Variants in NADK observed in about 807,000 individuals in gnomAD.
The protein encoded by NADK is poly(P)/ATP NAD kinase.
NADK carries 22 observed loss-of-function variants against 49.8 expected under a neutral mutation model. That is an observed-to-expected ratio of 0.44 (90% CI 0.32 to 0.63). The LOEUF (loss-of-function observed/expected upper bound fraction) is 0.63, where lower values mean the gene tolerates loss of function less well. NADK is among the 30% of genes least tolerant of loss of function. The pLI is 0.06. For missense variants in NADK, 438 were observed against 609.4 expected (o/e 0.72, Z 2.96); for synonymous variants, 268 against 253.7 (o/e 1.06, Z -0.54).
intron 2 of NADK, among the ~76,000 whole-genome samples, chr1:1,764,608 CA>C (rs1343778055): frequency 1.3e-5 from 2 of 152,182 alleles, no homozygotes; most frequent in African/African-American, 4.8e-5. Flanking sequence ...TTCTGTAGAG[CA>C]AATGTTTCCA....
At chr1:1,756,885 GA>G in intron 4 of NADK, 1 of 804,850 alleles carries the variant, frequency 1.2e-6, no homozygotes. Flanking sequence ...CTGCTCTTCT[GA>G]AGAGAAGACA....
intron 1 of NADK, among the ~76,000 whole-genome samples, chr1:1,768,627 T>C (rs1170897197): frequency 6.6e-6 from 1 of 152,152 alleles, no homozygotes; most frequent in Admixed American, 6.6e-5. Context: ...AGTAAAGCCA[T>C]GTGGGGACAC....
Position 1,752,908 on chromosome 1 carries a change from C to A in NADK, c.1337G>T (p.Gly446Val). The A allele has an allele frequency of 5.9e-6, 9 of 1,525,956 alleles. No individual in the cohort carries two copies. The South Asian group carries it at 1.0e-4, about 18-fold the overall frequency. The allele number at this position is 1,525,956 out of a possible 1,614,324, so 94.5% of individuals were successfully genotyped here. A position where few individuals can be genotyped will look rare whatever the true frequency, so the allele number is the denominator to read the frequency against. ...FEEEEEEEEE[G>V] Reference sequence around the variant, plus strand: ...GGGCCTGGATAGGGGCTTGACCTAGCCCTCCTCCTCCTCCTCCTCCTCCTC... The same window carrying A: ...GGGCCTGGATAGGGGCTTGACCTAGACCTCCTCCTCCTCCTCCTCCTCCTC... Residue 446 changes from glycine to valine, a missense_variant, in exon 12 of 12, where the codon GGC becomes GTC. Transcript: ENST00000341426.
intron 3 of NADK, chr1:1,758,429 C>A (rs765007170): frequency 1.2e-6 from 2 of 1,612,172 alleles, no homozygotes; most frequent in Non-Finnish European, 1.7e-6. Context: ...TCAGCACCTG[C>A]CGGGTCACAC....
intron 3 of NADK, among the ~76,000 whole-genome samples, chr1:1,758,921 C>T (rs1048214153): frequency 2.0e-5 from 3 of 152,212 alleles, no homozygotes; most frequent in Admixed American, 1.3e-4. Context: ...CCAGGGAAGG[C>T]ACCCTCAGGC....
chr1:1,766,829 A>C (rs1041001936), intron 1 of NADK, among the ~76,000 whole-genome samples: 2 of 151,634 alleles, frequency 1.3e-5, no homozygotes, highest in Admixed American at 6.6e-5. Flanking sequence ...CTGGTCTTCA[A>C]TTCCTGGCCT....
rs1438411254 is a variant in NADK, at chr1:1,751,620, G to A, written c.*1284C>T. 4.4e-5 allele frequency: 6 copies of A among 136,230 alleles called. No homozygotes were observed. The highest frequency in any genetic ancestry group is 1.6e-4 in the African/African-American group (6 of 37,920). 8.4% of individuals were successfully genotyped at this position (136,230 alleles called of 1,614,324 possible). A position where few individuals can be genotyped will look rare whatever the true frequency, so the allele number is the denominator to read the frequency against. Reference sequence around the variant, plus strand: ...GTGCCCAGACGAGGGTGAGCAGGGAGACACATGCCTCGGAGAACGTGCCCA... The same window carrying A: ...GTGCCCAGACGAGGGTGAGCAGGGAAACACATGCCTCGGAGAACGTGCCCA... On this transcript the variant is annotated 3_prime_UTR_variant, in exon 12 of 12. Transcript: ENST00000341426.
intron 1 of NADK, among the ~76,000 whole-genome samples, chr1:1,774,890 G>T (rs1007880556): frequency 6.6e-6 from 1 of 151,944 alleles, no homozygotes; most frequent in African/African-American, 2.4e-5. Context: ...GGCAGATCAC[G>T]ACATCAGGAG....
Position 1,775,446 on chromosome 1 carries a change from G to A in NADK, c.-41+2843C>T, listed in dbSNP as rs376290035. Among the ~76,000 whole-genome samples the A allele has an allele frequency of 1.6e-4, 24 of 152,302 alleles. 1 individual carries two copies. Among genetic ancestry groups the A allele is most frequent in the Admixed American group, 3.3e-4 (5 of 15,302 alleles). ...TAAATTACCCATCTCATCTCACCCC[G>A]GTAAATAATGCCCAGTGCTGGCATG... On this transcript the variant is annotated intron_variant, in intron 1 of 11. Coordinates refer to ENST00000341426, the MANE Select transcript of NADK (RefSeq NM_023018.5).
intron 6 of NADK, among the ~76,000 whole-genome samples, chr1:1,755,810 T>TGGGGAGAA (rs1645500329): frequency 6.6e-6 from 1 of 151,880 alleles, no homozygotes; most frequent in African/African-American, 2.4e-5. Flanking sequence ...AATGGGGAGA[T>TGGGGAGAA]GGGGAGAAAA....
chr1:1,756,659 T>G (rs1358383062), intron 4 of NADK, 51 bp from the exon 5 acceptor site: 5 of 1,612,112 alleles, frequency 3.1e-6, no homozygotes, highest in Non-Finnish European at 4.2e-6. Context: ...CCCACCCTCC[T>G]GCAGGGAGGT....
At chr1:1,756,402 C>A in intron 5 of NADK, 59 bp from the exon 6 acceptor site, 1 of 1,607,016 alleles carries the variant, frequency 6.2e-7, no homozygotes, top group Non-Finnish European at 8.5e-7. Flanking sequence ...CTCTGTGGCG[C>A]AGTGCGCAGA....
At chr1:1,774,498 G>A (rs1449641515) in intron 1 of NADK, among the ~76,000 whole-genome samples, 2 of 151,988 alleles carry the variant, frequency 1.3e-5, no homozygotes, top group African/African-American at 4.8e-5. Context: ...CAGATGATCC[G>A]CCCGCCTTGG....
chr1:1,757,140 C>A lies in NADK; in HGVS notation c.393+41G>T, dbSNP rs116006782. The A allele has an allele frequency of 1.9e-3, 2,972 of 1,541,772 alleles. 63 individuals are homozygous for A. In the African/African-American group the frequency reaches 0.038, roughly 20 times the overall value. ...GATGTGGATGGAGGCCCCCCCAACTCCATGTGCACCCCAGGCCCCCTTCCC... is the reference window on the plus strand; with the variant it reads ...GATGTGGATGGAGGCCCCCCCAACTACATGTGCACCCCAGGCCCCCTTCCC... On this transcript the variant is annotated intron_variant, in intron 4 of 11. Transcript: ENST00000341426.
Position 1,752,071 on chromosome 1 carries a change from T to C in NADK, c.*833A>G, listed in dbSNP as rs1645342775. 6 of 152,052 alleles carry C rather than the reference T, an allele frequency of 3.9e-5. No homozygotes were observed. The South Asian group carries it at 1.3e-3, about 32-fold the overall frequency. 9.4% of individuals were successfully genotyped at this position (152,052 alleles called of 1,614,324 possible). ...CGCACTGAACAGAATGGTCCCCTAATGGTCCCTGAGGACAGCGTCTTGCAG... is the reference window on the plus strand; with the variant it reads ...CGCACTGAACAGAATGGTCCCCTAACGGTCCCTGAGGACAGCGTCTTGCAG... On this transcript the variant is annotated 3_prime_UTR_variant, in exon 12 of 12. Coordinates refer to ENST00000341426, the MANE Select transcript of NADK (RefSeq NM_023018.5).
Position 1,765,238 on chromosome 1 carries a change from T to C in NADK, c.169A>G (p.Lys57Glu). ...LSASPALGST[K>E]EFRRTRSLHG... ...CCCTCCCAGTTGTACCTGAACTCCT[T>C]GGTGCTCCCCAGGGCGGGCGAGGCA... The change falls in exon 2 of 12, where the codon AAG becomes GAG. Residue 57 changes from lysine to glutamate, a missense_variant. Coordinates refer to ENST00000341426, the MANE Select transcript of NADK (RefSeq NM_023018.5). 2 of 1,600,686 alleles carry C rather than the reference T, an allele frequency of 1.2e-6. No individual in the cohort carries two copies. Among genetic ancestry groups the C allele is most frequent in the South Asian group, 1.1e-5 (1 of 88,670 alleles).
intron 1 of NADK, among the ~76,000 whole-genome samples, chr1:1,773,676 T>TTGTGTGTG (rs57063985): frequency 6.9e-5 from 8 of 116,730 alleles, no homozygotes; most frequent in South Asian, 3.0e-4. Context: ...AAGCTCTATT[T>TTGTGTGTG]TGTGTGTGTG....
intron 1 of NADK, among the ~76,000 whole-genome samples, chr1:1,774,566 C>T (rs1203642891): frequency 3.3e-5 from 5 of 151,058 alleles, no homozygotes; most frequent in East Asian, 2.0e-4. Flanking sequence ...CATTATGCCT[C>T]GGCCTCCCAC....
Position 1,753,587 on chromosome 1 carries a change from T to C in NADK, c.1164A>G (p.Gln388=), listed in dbSNP as rs1225770818. ...AWVSFDGRKR[Q]EIRHGDSISI... Reference sequence around the variant, plus strand: ...CACACCTGTCTCCATGGCGGATCTCTTGTCTCTTCCGTCCATCAAAGGACA... The same window carrying C: ...CACACCTGTCTCCATGGCGGATCTCCTGTCTCTTCCGTCCATCAAAGGACA... Residue 388 remains glutamine (Q), a synonymous_variant, in exon 11 of 12, where the codon CAA becomes CAG. Transcript: ENST00000341426. The C allele has an allele frequency of 1.2e-6, 2 of 1,611,520 alleles. No individual in the cohort carries two copies. Among genetic ancestry groups the C allele is most frequent in the African/African-American group, 2.7e-5 (2 of 74,902 alleles).
Sources: allele counts gnomAD v4.1 joint callset (sites outside exome capture counted in the v4.1 genomes callset), GRCh38; gene constraint gnomAD v4.1.1; transcripts MANE v1.5; gene names NCBI Gene and HGNC (gene_info 2026-07-23, HGNC 2026-07-21).